Variants in PDE7B observed in about 807,000 individuals in gnomAD.
The protein encoded by PDE7B is phosphodiesterase 7B.
PDE7B carries 29 observed loss-of-function variants against 56.2 expected under a neutral mutation model. The ratio of observed to expected loss-of-function variants is 0.52; its 90% CI spans 0.38 to 0.70. PDE7B has a LOEUF of 0.70. PDE7B is among the 30% of genes least tolerant of loss of function. PDE7B has a pLI of 0.00. For missense variants in PDE7B, 490 were observed against 565.0 expected (o/e 0.87, Z 1.35); for synonymous variants, 197 against 196.9 (o/e 1.00, Z 0.00).
At position 136,147,405 on chromosome 6, in the gene PDE7B, G is replaced by A. The variant is rs761070950; in HGVS notation, c.221G>A (p.Ser74Asn). The A allele has an allele frequency of 3.1e-6, 5 of 1,612,828 alleles. No homozygotes were observed. Among genetic ancestry groups the A allele is most frequent in the Non-Finnish European group, 3.4e-6 (4 of 1,179,010 alleles). ...GTKKKVKRLL[S>N]FQRYFHASRL... Reference sequence around the variant, plus strand: ...AAGAAAAAGGTGAAAAGACTATTAAGCTTTCAAAGATACTTCCATGCATCA... The same window carrying A: ...AAGAAAAAGGTGAAAAGACTATTAAACTTTCAAAGATACTTCCATGCATCA... Residue 74 changes from serine to asparagine, a missense_variant, in exon 4 of 13, where the codon AGC becomes AAC. Transcript: ENST00000308191.
intron 3 of PDE7B, among the ~76,000 whole-genome samples, chr6:136,129,591 A>G (rs965099646): frequency 9.2e-5 from 14 of 152,368 alleles, no homozygotes; most frequent in African/African-American, 3.1e-4. Context: ...CTCCAGGAGC[A>G]GAAGCTGTAA....
At chr6:136,033,194 A>G (rs968223924) in intron 2 of PDE7B, among the ~76,000 whole-genome samples, 2 of 152,242 alleles carry the variant, frequency 1.3e-5, no homozygotes. Context: ...ATCAGCAGGC[A>G]GGAGCTGAGT....
At chr6:136,133,398 T>C (rs527439126) in intron 3 of PDE7B, among the ~76,000 whole-genome samples, 2 of 152,112 alleles carry the variant, frequency 1.3e-5, no homozygotes, top group South Asian at 4.1e-4. Context: ...CTTATAATCA[T>C]TTAGGAAAAT....
At chr6:136,020,782 T>C (rs73560523) in intron 2 of PDE7B, among the ~76,000 whole-genome samples, 1 of 152,228 alleles carries the variant, frequency 6.6e-6, no homozygotes, top group African/African-American at 2.4e-5. Flanking sequence ...GGTCACCTCT[T>C]GTCTCTGCTG....
intron 2 of PDE7B, among the ~76,000 whole-genome samples, chr6:136,101,476 T>TCCTG (rs369022386): frequency 6.1e-4 from 93 of 152,344 alleles, no homozygotes; most frequent in African/African-American, 2.2e-3. Flanking sequence ...TTCAACTTCT[T>TCCTG]CCTGCTTTAG....
Position 136,192,571 on chromosome 6 carries a change from C to T in PDE7B, c.*731C>T, listed in dbSNP as rs985123011. On this transcript the variant is annotated 3_prime_UTR_variant, in exon 13 of 13. Transcript: ENST00000308191. ...TGCTGTACAGTTCATTCCTTTGCAC[C>T]ATTAGCCAATCTGTCTTTTATGGAT... 3 of 152,568 alleles carry T rather than the reference C, an allele frequency of 2.0e-5. No individual in the cohort carries two copies. Among genetic ancestry groups the T allele is most frequent in the African/African-American group, 7.2e-5 (3 of 41,434 alleles). 9.5% of individuals were successfully genotyped at this position (152,568 alleles called of 1,614,324 possible). A position where few individuals can be genotyped will look rare whatever the true frequency, so the allele number is the denominator to read the frequency against.
chr6:135,958,635 A>T (rs997594988), intron 2 of PDE7B, among the ~76,000 whole-genome samples: 4 of 152,186 alleles, frequency 2.6e-5, no homozygotes, highest in Admixed American at 6.5e-5. Flanking sequence ...ATTACAAAGG[A>T]TGCACAAGAA....
At chr6:136,065,516 G>A (rs1317946866) in intron 2 of PDE7B, among the ~76,000 whole-genome samples, 1 of 152,148 alleles carries the variant, frequency 6.6e-6, no homozygotes, top group Non-Finnish European at 1.5e-5. Context: ...ATCCCAGGGT[G>A]CCAGGAATAT....
chr6:136,042,651 A>G (rs1776432567), intron 2 of PDE7B, among the ~76,000 whole-genome samples: 1 of 152,234 alleles, frequency 6.6e-6, no homozygotes, highest in African/African-American at 2.4e-5. Flanking sequence ...AGACCTGAAT[A>G]TCAAATTATT....
chr6:135,989,441 C>G (rs1775436830), intron 2 of PDE7B, among the ~76,000 whole-genome samples: 1 of 152,120 alleles, frequency 6.6e-6, no homozygotes, highest in Non-Finnish European at 1.5e-5. Context: ...TGGAGAAACC[C>G]TGTCTCTACT....
In PDE7B at chr6:135,935,190, T is replaced by TTATATATATATATATATATATATA. The variant is rs60829896; in HGVS notation, c.22-12270_22-12247dup. Among the ~76,000 whole-genome samples, 73 of 36,166 alleles carry TTATATATATATATATATATATATA rather than the reference T, an allele frequency of 2.0e-3. 2 individuals carry two copies. Among genetic ancestry groups the TTATATATATATATATATATATATA allele is most frequent in the African/African-American group, 7.2e-3 (60 of 8,344 alleles). The allele number at this position is 36,166 out of a possible 152,430, so 23.7% of individuals were successfully genotyped here. A position where few individuals can be genotyped will look rare whatever the true frequency, so the allele number is the denominator to read the frequency against. On this transcript the variant is annotated intron_variant, in intron 1 of 12. Transcript: ENST00000308191. Reference sequence around the variant, plus strand: ...GAGAATTTTATATATATATATTTATTTATATATATATATATATATATATAT... The same window carrying TTATATATATATATATATATATATA: ...GAGAATTTTATATATATATATTTATTTATATATATATATATATATATATATATATATATATATATATATATATAT...
chr6:136,187,322 C>A (rs17065332), intron 12 of PDE7B, among the ~76,000 whole-genome samples: 4,435 of 152,182 alleles, frequency 0.029, 212 homozygotes, highest in African/African-American at 0.097. Flanking sequence ...AACCTAGGAT[C>A]GAAGCTTTGT....
chr6:136,147,239 A>G (rs1778430689), intron 3 of PDE7B, 112 bp from the exon 4 acceptor site: 1 of 655,980 alleles, frequency 1.5e-6, no homozygotes. Flanking sequence ...TTTTAAAAGT[A>G]TAGAAAGCAT....
At chr6:136,045,967 T>C (rs1362167583) in intron 2 of PDE7B, among the ~76,000 whole-genome samples, 3 of 151,826 alleles carry the variant, frequency 2.0e-5, no homozygotes, top group Admixed American at 1.3e-4. Context: ...TCTTTCTTGC[T>C]TCCTTCTCCA....
intron 6 of PDE7B, among the ~76,000 whole-genome samples, chr6:136,152,580 A>G (rs1778538745): frequency 6.6e-6 from 1 of 152,232 alleles, no homozygotes; most frequent in African/African-American, 2.4e-5. Context: ...ACTGAACTCC[A>G]TCATTACTCT....
At chr6:135,982,505 A>G (rs1446617611) in intron 2 of PDE7B, among the ~76,000 whole-genome samples, 1 of 152,116 alleles carries the variant, frequency 6.6e-6, no homozygotes, top group African/African-American at 2.4e-5. Flanking sequence ...TTCAATCAGG[A>G]ACTGCTAAGG....
At chr6:136,188,132 G>A (rs1391769473) in intron 12 of PDE7B, among the ~76,000 whole-genome samples, 2 of 152,034 alleles carry the variant, frequency 1.3e-5, no homozygotes, top group Non-Finnish European at 2.9e-5. Flanking sequence ...TATCACTGAA[G>A]GTCAAATCTA....
At chr6:135,939,116 A>G (rs1367492510) in intron 1 of PDE7B, among the ~76,000 whole-genome samples, 4 of 152,190 alleles carry the variant, frequency 2.6e-5, no homozygotes, top group Non-Finnish European at 5.9e-5. Context: ...ATTTTCCAAT[A>G]GCAATAGCAT....
intron 2 of PDE7B, among the ~76,000 whole-genome samples, chr6:136,016,524 G>T (rs1775980561): frequency 1.3e-5 from 2 of 152,198 alleles, no homozygotes; most frequent in Admixed American, 6.5e-5. Flanking sequence ...CAACTCTGGA[G>T]AGGTTTTATT....
Sources: gnomAD v4.1 joint callset for allele counts (sites outside exome capture counted in the v4.1 genomes callset) on GRCh38, gnomAD v4.1.1 for gene constraint, MANE v1.5 for transcripts, NCBI Gene and HGNC (gene_info 2026-07-23, HGNC 2026-07-21) for gene names.